Variants in WBP1L observed in about 807,000 individuals in gnomAD.
WBP1L encodes the protein WW domain binding protein 1 like.
WBP1L carries 17 observed loss-of-function variants against 33.7 expected under a neutral mutation model. The ratio of observed to expected loss-of-function variants is 0.50; its 90% CI spans 0.34 to 0.76. The LOEUF (loss-of-function observed/expected upper bound fraction) is 0.76. WBP1L is among the 30% of genes least tolerant of loss of function. The probability of loss-of-function intolerance (pLI) is 0.01; values close to 1 mark genes in which losing one functional copy is unlikely to be tolerated. For missense variants in WBP1L, 389 were observed against 469.4 expected, an observed-to-expected ratio of 0.83 and a Z score of 1.58; for synonymous variants, 173 against 190.8, an observed-to-expected ratio of 0.91 and a Z score of 0.77.
intron 1 of WBP1L, among the ~76,000 whole-genome samples, chr10:102,766,817 G>A (rs957492911): frequency 6.3e-5 from 8 of 127,384 alleles, no homozygotes; most frequent in African/African-American, 1.8e-4. Flanking sequence ...GAGCGACAGA[G>A]CGAGACTCTG....
At chr10:102,810,326 C>T (rs930092286) in intron 3 of WBP1L, among the ~76,000 whole-genome samples, 3 of 152,100 alleles carry the variant, frequency 2.0e-5, no homozygotes, top group East Asian at 3.8e-4. Flanking sequence ...TTCTTTAGCA[C>T]CTGCGTACAT....
Position 102,813,325 on chromosome 10 carries a change from C to A in WBP1L, c.1086C>A (p.Pro362=). The A allele has an allele frequency of 6.2e-7, 1 of 1,605,512 alleles. No homozygotes were observed. Residue 362 remains proline (P), a synonymous_variant, in exon 4 of 4, where the codon CCC becomes CCA. Coordinates refer to ENST00000448841, the MANE Select transcript of WBP1L (RefSeq NM_001083913.2). ...DSPNSQSSSS[P]S is the part of the protein sequence containing the mutation. ...CCAACTCCCAGAGCAGCAGCTCCCC[C>A]AGCTAGAGCAGGTCCTGCCAGCACC...
chr10:102,808,739 A>C (rs910326659), intron 2 of WBP1L, among the ~76,000 whole-genome samples: 2 of 152,250 alleles, frequency 1.3e-5, no homozygotes, highest in African/African-American at 2.4e-5. Context: ...TGTATTACAG[A>C]GGCATACATG....
chr10:102,780,909 A>G (rs1194784735), intron 1 of WBP1L, among the ~76,000 whole-genome samples: 1 of 152,314 alleles, frequency 6.6e-6, no homozygotes, highest in East Asian at 1.9e-4. Flanking sequence ...ACCTTGGAAT[A>G]TTGCCTTTCT....
chr10:102,790,299 C>A (rs1414379379), intron 1 of WBP1L, among the ~76,000 whole-genome samples: 1 of 151,926 alleles, frequency 6.6e-6, no homozygotes, highest in Non-Finnish European at 1.5e-5. Context: ...TTTTATCTGC[C>A]TGTTACTATT....
Position 102,775,697 on chromosome 10 carries a change from C to T in WBP1L, c.91-22296C>T, listed in dbSNP as rs1055535542. ...AAGGTGCCTCTCCAAGCCCCCGCTG[C>T]GAATTGCCTCATTCCCTAGAGAAAG... On this transcript the variant is annotated intron_variant, in intron 1 of 3. Coordinates refer to ENST00000448841, the MANE Select transcript of WBP1L (RefSeq NM_001083913.2). 3.3e-5 allele frequency among the ~76,000 whole-genome samples: 5 copies of T among 152,180 alleles called. No individual in the cohort carries two copies. The East Asian group carries it at 7.7e-4, about 24-fold the overall frequency.
intron 1 of WBP1L, among the ~76,000 whole-genome samples, chr10:102,768,364 G>GTTTTTTGTTT (rs1564757946): frequency 9.0e-5 from 4 of 44,576 alleles, no homozygotes; most frequent in African/African-American, 4.5e-4. Flanking sequence ...CCTGGCATTA[G>GTTTTTTGTTT]TTTTTTGTTT....
chr10:102,757,881 C>G (rs7094107), intron 1 of WBP1L, among the ~76,000 whole-genome samples: 792 of 57,666 alleles, frequency 0.014, 30 homozygotes, highest in African/African-American at 0.054. Context: ...TGCCCTCCCC[C>G]CCCCCCTTTT....
chr10:102,802,582 G>T (rs183196887), intron 2 of WBP1L, among the ~76,000 whole-genome samples: 1 of 152,124 alleles, frequency 6.6e-6, no homozygotes, highest in South Asian at 2.1e-4. Context: ...GCATGATCTC[G>T]CTTCCCAGGT....
intron 1 of WBP1L, among the ~76,000 whole-genome samples, chr10:102,764,136 T>C (rs972315201): frequency 6.6e-6 from 1 of 152,140 alleles, no homozygotes; most frequent in African/African-American, 2.4e-5. Flanking sequence ...TCTTGAAGTT[T>C]GCTGAGCTTC....
rs190723011 is a variant in WBP1L at position 102,774,155 on chromosome 10, G to A, written c.91-23838G>A. ...GTTTGATTGCCAAAGTTAGTGCTGC[G>A]TATGTTTTGTGGTTCTCAGTGGTTG... On this transcript the variant is annotated intron_variant, in intron 1 of 3. Transcript: ENST00000448841. Among the ~76,000 whole-genome samples the A allele has an allele frequency of 3.8e-3, 573 of 152,224 alleles. 1 individual carries two copies. Among genetic ancestry groups the A allele is most frequent in the Non-Finnish European group, 6.3e-3 (430 of 68,012 alleles).
intron 1 of WBP1L, among the ~76,000 whole-genome samples, chr10:102,763,676 A>G (rs1403296390): frequency 6.6e-6 from 1 of 152,100 alleles, no homozygotes; most frequent in Non-Finnish European, 1.5e-5. Flanking sequence ...GTCACTTTAC[A>G]TTTTCAGACC....
At position 102,746,096 on chromosome 10, in the gene WBP1L, G is replaced by T. The variant is rs141744086; in HGVS notation, c.90+1953G>T. Reference sequence around the variant, plus strand: ...AGCCTTTGGAGATGGGCTGGTCAAAGATAGGAACTAGATCCACTTTTTCAG... The same window carrying T: ...AGCCTTTGGAGATGGGCTGGTCAAATATAGGAACTAGATCCACTTTTTCAG... On this transcript the variant is annotated intron_variant, in intron 1 of 3. Transcript: ENST00000448841. The T allele has an allele frequency of 2.2e-3, 2,190 of 981,866 alleles. 4 individuals carry two copies. The highest frequency in any genetic ancestry group is 2.5e-3 in the Non-Finnish European group (2,094 of 826,724). 60.8% of individuals were successfully genotyped at this position (981,866 alleles called of 1,614,324 possible). A position where few individuals can be genotyped will look rare whatever the true frequency, so the allele number is the denominator to read the frequency against.
At chr10:102,795,192 G>A (rs1161255274) in intron 1 of WBP1L, among the ~76,000 whole-genome samples, 8 of 152,184 alleles carry the variant, frequency 5.3e-5, no homozygotes, top group South Asian at 4.1e-4. Context: ...AAAATAATTT[G>A]TGTTAGAGGA....
chr10:102,807,000 C>T (rs1370527560), intron 2 of WBP1L, among the ~76,000 whole-genome samples: 1 of 151,902 alleles, frequency 6.6e-6, no homozygotes, highest in Non-Finnish European at 1.5e-5. Flanking sequence ...GCATTTTTTT[C>T]TTTTTTTAAA....
chr10:102,750,165 T>C (rs1590164375), intron 1 of WBP1L, among the ~76,000 whole-genome samples: 1 of 151,552 alleles, frequency 6.6e-6, no homozygotes, highest in Admixed American at 6.6e-5. Flanking sequence ...CCCAGCACTT[T>C]GGGAGGCTGA....
intron 1 of WBP1L, among the ~76,000 whole-genome samples, chr10:102,760,772 G>A (rs779256149): frequency 2.0e-5 from 3 of 152,148 alleles, no homozygotes; most frequent in Non-Finnish European, 4.4e-5. Flanking sequence ...CTCCCCGCTC[G>A]TTTGGGGAGT....
intron 1 of WBP1L, among the ~76,000 whole-genome samples, chr10:102,748,918 G>A (rs1305704158): frequency 6.6e-6 from 1 of 152,248 alleles, no homozygotes; most frequent in East Asian, 1.9e-4. Context: ...CCAGGAAGGG[G>A]AAAAATGGAT....
At position 102,814,465 on chromosome 10, in the gene WBP1L, T is replaced by C. The variant is rs1284541564; in HGVS notation, c.*1134T>C. The C allele has an allele frequency of 2.6e-5, 4 of 151,342 alleles. No individual in the cohort carries two copies. Among genetic ancestry groups the C allele is most frequent in the African/African-American group, 9.7e-5 (4 of 41,128 alleles). The allele number at this position is 151,342 out of a possible 1,614,324, so 9.4% of individuals were successfully genotyped here. On this transcript the variant is annotated 3_prime_UTR_variant, in exon 4 of 4. Coordinates refer to ENST00000448841, the MANE Select transcript of WBP1L (RefSeq NM_001083913.2). ...TGGCTCTCACACAGTATTTTATCTTTGATTCTGAATAAATATTTTTTGTGG... is the reference window on the plus strand; with the variant it reads ...TGGCTCTCACACAGTATTTTATCTTCGATTCTGAATAAATATTTTTTGTGG...
Sources: allele counts gnomAD v4.1 joint callset (sites outside exome capture counted in the v4.1 genomes callset), GRCh38; gene constraint gnomAD v4.1.1; transcripts MANE v1.5; gene names NCBI Gene and HGNC (gene_info 2026-07-23, HGNC 2026-07-21).